GCM1: variants seen among roughly 807,000 people sequenced by gnomAD.
The protein encoded by GCM1 is GCM transcription factor 1, also known as chorion-specific transcription factor GCMa.
Under a neutral mutation model 25.7 loss-of-function variants are expected in GCM1, and 2 were observed. That is an observed-to-expected ratio of 0.08 (90% confidence interval 0.03 to 0.24). The LOEUF is 0.24. Ranked by LOEUF, GCM1 falls within the 10% of genes least tolerant of loss-of-function variation. The probability of loss-of-function intolerance (pLI) is 1.00; values close to 1 mark genes in which losing one functional copy is unlikely to be tolerated. For synonymous variants in GCM1, 183 were observed against 195.7 expected (o/e 0.94, Z 0.54); for missense variants, 395 against 538.7 (o/e 0.73, Z 2.64).
At chr6:53,136,690 C>T (rs1581852159) in intron 2 of GCM1, among the ~76,000 whole-genome samples, 1 of 152,206 alleles carries the variant, frequency 6.6e-6, no homozygotes, top group East Asian at 1.9e-4. Flanking sequence ...GAGTCCAAGT[C>T]CCAGCTGGGT....
At chr6:53,133,650 C>A (rs528998360) in intron 3 of GCM1, among the ~76,000 whole-genome samples, 13 of 152,106 alleles carry the variant, frequency 8.5e-5, no homozygotes, top group Non-Finnish European at 1.6e-4. Flanking sequence ...TGCAACCACA[C>A]CCGACTAATT....
At chr6:53,132,851 G>A (rs1316391487) in intron 3 of GCM1, among the ~76,000 whole-genome samples, 1 of 152,236 alleles carries the variant, frequency 6.6e-6, no homozygotes, top group East Asian at 1.9e-4. Flanking sequence ...CTAAGAGCAA[G>A]TTTTTAAAAC....
At chr6:53,143,674 C>G (rs967703324) in intron 2 of GCM1, among the ~76,000 whole-genome samples, 7 of 152,054 alleles carry the variant, frequency 4.6e-5, no homozygotes, top group Non-Finnish European at 8.8e-5. Context: ...TAATTAAGAG[C>G]AACAACAAAC....
At chr6:53,145,507 C>A in intron 2 of GCM1, 51 bp downstream of exon 2, 2 of 946,108 alleles carry the variant, frequency 2.1e-6, no homozygotes, top group East Asian at 2.4e-5. Context: ...TGTTAATAGT[C>A]AAGACTTCAC....
intron 2 of GCM1, among the ~76,000 whole-genome samples, chr6:53,141,433 A>T (rs962559512): frequency 2.6e-5 from 4 of 152,176 alleles, no homozygotes; most frequent in African/African-American, 9.6e-5. Flanking sequence ...CACACCTGTA[A>T]TCCCAGCACT....
chr6:53,147,663 A>G (rs2127511861), intron 1 of GCM1, among the ~76,000 whole-genome samples: 1 of 152,110 alleles, frequency 6.6e-6, no homozygotes, highest in Middle Eastern at 3.4e-3. Flanking sequence ...TCCTTTCCTC[A>G]GGTGATCCAT....
chr6:53,134,347 G>C (rs780071146), intron 2 of GCM1, 23 bp from the exon 3 acceptor site: 231 of 1,606,376 alleles, frequency 1.4e-4, no homozygotes, highest in Non-Finnish European at 1.8e-4. Context: ...CAAAAGATAC[G>C]ACTATACTTT....
At position 53,140,530 on chromosome 6, in the gene GCM1, C is replaced by CAAAAAA. The variant is rs10629921; in HGVS notation, c.75+5022_75+5027dup. ...CTATACTAGAGAATGTTCTCTCTAC[C>CAAAAAA]AAAAAAAAAAAAAAAAAGTACTTAA... is the stretch of plus-strand genomic sequence containing the variant. On this transcript the variant is annotated intron_variant, in intron 2 of 5. Transcript: ENST00000259803. Among the ~76,000 whole-genome samples the CAAAAAA allele has an allele frequency of 9.5e-4, 122 of 128,532 alleles. 3 individuals are homozygous for CAAAAAA. The highest frequency in any genetic ancestry group is 1.6e-3 in the Non-Finnish European group (97 of 62,132). 84.3% of individuals were successfully genotyped at this position (128,532 alleles called of 152,430 possible).
intron 3 of GCM1, among the ~76,000 whole-genome samples, chr6:53,133,267 T>G (rs1465192045): frequency 1.3e-5 from 2 of 150,696 alleles, no homozygotes; most frequent in African/African-American, 4.9e-5. Flanking sequence ...TGGGTTCGAG[T>G]GATTCTCCTG....
At chr6:53,137,564 G>T (rs1763817895) in intron 2 of GCM1, among the ~76,000 whole-genome samples, 1 of 152,132 alleles carries the variant, frequency 6.6e-6, no homozygotes, top group Non-Finnish European at 1.5e-5. Flanking sequence ...AAGGCTGGAG[G>T]ATTGCTTGAG....
At chr6:53,145,217 CAAAG>C (rs989807296) in intron 2 of GCM1, among the ~76,000 whole-genome samples, 5 of 152,102 alleles carry the variant, frequency 3.3e-5, no homozygotes, top group Non-Finnish European at 5.9e-5. Context: ...TTGTGCATAA[CAAAG>C]AGTCAATTTA....
chr6:53,143,310 A>G (rs1006534196), intron 2 of GCM1, among the ~76,000 whole-genome samples: 5 of 152,216 alleles, frequency 3.3e-5, no homozygotes, highest in African/African-American at 4.8e-5. Flanking sequence ...TTGGAAATTC[A>G]TGTTGGAACA....
intron 2 of GCM1, among the ~76,000 whole-genome samples, chr6:53,142,050 A>AAAAG (rs140446816): frequency 5.6e-5 from 8 of 142,406 alleles, no homozygotes; most frequent in Admixed American, 1.4e-4. Flanking sequence ...AACAGAAAGA[A>AAAAG]AAAGAAAGAA....
chr6:53,132,543 C>T (rs941377934), intron 3 of GCM1, among the ~76,000 whole-genome samples: 1 of 152,218 alleles, frequency 6.6e-6, no homozygotes, highest in Admixed American at 6.5e-5. Context: ...GAAATCCCAT[C>T]TCTACTAAAA....
chr6:53,130,690 T>C, intron 5 of GCM1, 113 bp downstream of exon 5: 1 of 786,274 alleles, frequency 1.3e-6, no homozygotes, highest in Non-Finnish European at 2.0e-6. Context: ...ATGAGCCTGA[T>C]AATCCATGAT....
chr6:53,131,028 G>A (rs750560207), intron 4 of GCM1, 97 bp from the exon 5 acceptor site: 57 of 1,176,600 alleles, frequency 4.8e-5, no homozygotes, highest in Non-Finnish European at 6.1e-5. Flanking sequence ...GTCCTGCCCC[G>A]GGGGTGGTGT....
In GCM1 at chr6:53,128,731, G is replaced by C; in HGVS notation, c.786C>G (p.Leu262=). The part of the protein sequence containing the change: ...DQTSTVDPMK[L]YEKRKLSSSR... ...TACTGGACAATTTGCGCTTTTCATA[G>C]AGCTTCATGGGGTCCACAGTGGAAG... The change falls in exon 6 of 6, where the codon CTC becomes CTG. Residue 262 remains leucine (L), a synonymous_variant. Transcript: ENST00000259803. The C allele has an allele frequency of 6.2e-7, 1 of 1,614,030 alleles. No homozygotes were observed.
chr6:53,144,914 C>CAAAAAA (rs11286993), intron 2 of GCM1, among the ~76,000 whole-genome samples: 1 of 70,760 alleles, frequency 1.4e-5, no homozygotes, highest in Non-Finnish European at 3.0e-5. Context: ...GACCCTACCT[C>CAAAAAA]AAAAAAAAAA....
rs756540220 is a variant in GCM1, at chr6:53,128,697, A to G, written c.820T>C (p.Tyr274His). The G allele has an allele frequency of 2.0e-5, 32 of 1,613,954 alleles. No homozygotes were observed. Among genetic ancestry groups the G allele is most frequent in the Non-Finnish European group, 2.7e-5 (32 of 1,179,898 alleles). Residue 274 changes from tyrosine (Y) to histidine (H), a missense_variant, in exon 6 of 6, where the codon TAC becomes CAC. Physicochemically the swap from Tyr to His is moderately conservative, Grantham distance 83. Around this residue, in one of 5 missense-constraint regions of GCM1, gnomAD observed 291 missense variants for 314.6 expected, o/e 0.92. Transcript: ENST00000259803. ...GGAGGAAGCAGGTCTCCACTACTGT[A>G]GGTTCTGCTACTGGACAATTTGCGC... is the stretch of plus-strand genomic sequence containing the variant. ...EKRKLSSSRT[Y>H]SSGDLLPPSA...
Sources: gnomAD v4.1 joint callset for allele counts (sites outside exome capture counted in the v4.1 genomes callset) on GRCh38, gnomAD v4.1.1 for gene constraint, gnomAD v4.1.1 regional missense constraint, MANE v1.5 for transcripts, NCBI Gene and HGNC (gene_info 2026-07-23, HGNC 2026-07-21) for gene names.